The following NCOR1 variants were observed in gnomAD, a reference collection of about 807,000 sequenced individuals.
The protein encoded by NCOR1 is nuclear receptor corepressor 1.
Under a neutral mutation model 288.1 loss-of-function variants are expected in NCOR1, and 63 were observed. The ratio of observed to expected loss-of-function variants is 0.22; its 90% confidence interval spans 0.18 to 0.27. NCOR1 has a LOEUF of 0.27. Among genes scored for constraint, NCOR1 ranks in the 10% least tolerant of loss-of-function variants. The pLI, the probability that NCOR1 is intolerant of heterozygous loss-of-function variation, is 1.00. For synonymous variants in NCOR1, 1,007 were observed against 1,065.9 expected (o/e 0.94, Z 1.08); for missense variants, 2,397 against 3,019.2 (o/e 0.79, Z 4.83).
intron 11 of NCOR1, among the ~76,000 whole-genome samples, chr17:16,143,123 T>C (rs977636892): frequency 1.3e-5 from 2 of 152,204 alleles, no homozygotes; most frequent in Non-Finnish European, 2.9e-5. Flanking sequence ...CCAGGTTCAC[T>C]TGCTAGACAA....
chr17:16,062,224 G>A lies in NCOR1; in HGVS notation c.5268C>T (p.Ser1756=), dbSNP rs765075584. The A allele has an allele frequency of 2.5e-6, 4 of 1,613,346 alleles. No individual in the cohort carries two copies. The highest frequency in any genetic ancestry group is 1.7e-5 in the Admixed American group (1 of 59,762). ...CCTGAGTTCTTACTGAAGGGGAAGGGGAGCGAACATATCCATGACTGCCAG... is the reference window on the plus strand; with the variant it reads ...CCTGAGTTCTTACTGAAGGGGAAGGAGAGCGAACATATCCATGACTGCCAG... ...GRPGSHGYVR[S]PSPSVRTQET... The change falls in exon 36 of 46, where the codon TCC becomes TCT. Residue 1756 remains serine (S), a synonymous_variant. Coordinates refer to ENST00000268712, the MANE Select transcript of NCOR1 (RefSeq NM_006311.4).
intron 3 of NCOR1, among the ~76,000 whole-genome samples, chr17:16,182,552 T>A (rs1600109016): frequency 2.0e-5 from 3 of 152,208 alleles, no homozygotes; most frequent in African/African-American, 7.2e-5. Flanking sequence ...CCTCCCGGGT[T>A]CATGCCATTC....
chr17:16,138,414 A>G (rs1273608826), intron 12 of NCOR1, among the ~76,000 whole-genome samples: 2 of 152,152 alleles, frequency 1.3e-5, no homozygotes, highest in African/African-American at 4.8e-5. Flanking sequence ...GCAGAACCCC[A>G]TCTCTACTAA....
At chr17:16,191,564 C>G (rs1170102091) in intron 2 of NCOR1, among the ~76,000 whole-genome samples, 1 of 150,434 alleles carries the variant, frequency 6.6e-6, no homozygotes, top group Non-Finnish European at 1.5e-5. Flanking sequence ...GACTATGATA[C>G]CATAGCAAAA....
intron 14 of NCOR1, among the ~76,000 whole-genome samples, chr17:16,133,084 T>C (rs753512903): frequency 1.3e-5 from 2 of 152,076 alleles, no homozygotes; most frequent in Non-Finnish European, 2.9e-5. Flanking sequence ...TTTTTCTACC[T>C]CAGCCTCCAG....
chr17:16,032,387 G>A lies in NCOR1; in HGVS notation c.7232C>T (p.Ala2411Val), dbSNP rs773679915. ...GATCCTGTTCTGTTGGTGAGGAGCT[G>A]CTTGGTTCACCGCAGAGGGAGCACA... ...IACAPSAVNQ[A>V]APHQQNRIWE... Residue 2411 changes from alanine (A) to valine (V), a missense_variant, in exon 46 of 46, where the codon GCA becomes GTA. Coordinates refer to ENST00000268712, the MANE Select transcript of NCOR1 (RefSeq NM_006311.4). 4 of 1,614,152 alleles carry A rather than the reference G, an allele frequency of 2.5e-6. No individual in the cohort carries two copies. The highest frequency in any genetic ancestry group is 3.4e-6 in the Non-Finnish European group (4 of 1,180,006).
intron 12 of NCOR1, 50 bp from the exon 13 acceptor site, chr17:16,138,262 ACT>A (rs1186208404): frequency 2.0e-6 from 3 of 1,465,364 alleles, no homozygotes; most frequent in Admixed American, 3.9e-5. Context: ...TATTTCAACA[ACT>A]AAAAAAAAAA....
chr17:16,138,244 C>T lies in NCOR1; in HGVS notation c.1353-32G>A, dbSNP rs556327087. 1.0e-5 allele frequency: 16 copies of T among 1,562,576 alleles called. No individual in the cohort carries two copies. In the African/African-American group the frequency reaches 1.4e-4, roughly 13 times the overall value. On this transcript the variant is annotated intron_variant, in intron 12 of 45. Coordinates refer to ENST00000268712, the MANE Select transcript of NCOR1 (RefSeq NM_006311.4). ...GAAAACGAAAACAAAAACACACTTG[C>T]GTACAAATATTTCAACAACTAAAAA...
chr17:16,075,180 C>T (rs1254218362), intron 27 of NCOR1, among the ~76,000 whole-genome samples: 1 of 152,170 alleles, frequency 6.6e-6, no homozygotes, highest in East Asian at 1.9e-4. Flanking sequence ...CCCAGCCTAT[C>T]TACCCTCTAA....
intron 5 of NCOR1, among the ~76,000 whole-genome samples, chr17:16,161,612 A>G (rs1292240266): frequency 2.0e-5 from 3 of 152,148 alleles, no homozygotes; most frequent in Non-Finnish European, 4.4e-5. Flanking sequence ...GTTCTTTTAC[A>G]TTAACTTTAC....
rs372844960 is a variant in NCOR1, at chr17:16,108,950, A to G, written c.2056-38T>C. On this transcript the variant is annotated intron_variant, in intron 18 of 45. Transcript: ENST00000268712. ...AGAGTATTATTTGATTTAAATAACT[A>G]AAAAGAAAAAAAAATTCATTTCTGA... 3.4e-6 allele frequency: 5 copies of G among 1,479,554 alleles called. No individual in the cohort carries two copies. In the African/African-American group the frequency reaches 5.7e-5, roughly 17 times the overall value. The allele number at this position is 1,479,554 out of a possible 1,614,324, so 91.7% of individuals were successfully genotyped here.
chr17:16,056,469 G>GC, intron 40 of NCOR1, among the ~76,000 whole-genome samples: 1 of 151,852 alleles, frequency 6.6e-6, no homozygotes, highest in African/African-American at 2.4e-5. Flanking sequence ...CTGCCATCAT[G>GC]CCTGGCTAAT....
chr17:16,093,405 T>C (rs773550584), intron 21 of NCOR1, among the ~76,000 whole-genome samples: 1 of 152,228 alleles, frequency 6.6e-6, no homozygotes, highest in Non-Finnish European at 1.5e-5. Context: ...TTCCTTCTCA[T>C]TGAGGCCTGT....
chr17:16,075,700 G>A lies in NCOR1; in HGVS notation c.3504C>T (p.Gly1168=), dbSNP rs149864614. 187 of 1,613,756 alleles carry A rather than the reference G, an allele frequency of 1.2e-4. No homozygotes were observed. Among genetic ancestry groups the A allele is most frequent in the Middle Eastern group, 1.6e-4 (1 of 6,080 alleles). ...TGCCAGTCTGGGGCAGAGCCGGGGT[G>A]CCCTGCCATCAAATCAAGCATAAAT... ...IPSLRGSITQ[G]TPALPQTGIP... The change falls in exon 27 of 46, where the codon GGC becomes GGT. Residue 1168 remains glycine (G), a splice_region_variant and synonymous_variant. Coordinates refer to ENST00000268712, the MANE Select transcript of NCOR1 (RefSeq NM_006311.4).
At chr17:16,177,205 T>G (rs1429716802) in intron 3 of NCOR1, among the ~76,000 whole-genome samples, 1 of 152,060 alleles carries the variant, frequency 6.6e-6, no homozygotes, top group Non-Finnish European at 1.5e-5. Context: ...GAACTACATT[T>G]AGCCCATCTG....
chr17:16,180,550 A>G (rs1291746565), intron 3 of NCOR1, among the ~76,000 whole-genome samples: 1 of 152,042 alleles, frequency 6.6e-6, no homozygotes, highest in African/African-American at 2.4e-5. Context: ...CAGGAGTTGG[A>G]GACCAGCCTG....
chr17:16,069,395 T>C (rs1482395407), intron 31 of NCOR1, among the ~76,000 whole-genome samples: 2 of 152,100 alleles, frequency 1.3e-5, no homozygotes, highest in South Asian at 2.1e-4. Context: ...CAAAACACAC[T>C]TGTACAGCTC....
chr17:16,086,054 T>C (rs2064176921), intron 23 of NCOR1, among the ~76,000 whole-genome samples: 1 of 152,208 alleles, frequency 6.6e-6, no homozygotes, highest in Admixed American at 6.5e-5. Flanking sequence ...TGTAATTAAA[T>C]GGGTGGTATG....
chr17:16,155,934 C>A (rs2079690707), intron 6 of NCOR1, among the ~76,000 whole-genome samples: 1 of 152,124 alleles, frequency 6.6e-6, no homozygotes, highest in Non-Finnish European at 1.5e-5. Context: ...TCTCCTCCTC[C>A]CCTCCGGGAG....
Sources: gnomAD v4.1 joint callset for allele counts (sites outside exome capture counted in the v4.1 genomes callset) on GRCh38, gnomAD v4.1.1 for gene constraint, MANE v1.5 for transcripts, NCBI Gene and HGNC (gene_info 2026-07-23, HGNC 2026-07-21) for gene names.